SPATA22: variants seen among roughly 807,000 people sequenced by gnomAD.
SPATA22 encodes spermatogenesis associated 22.
A neutral mutation model predicts 47.8 loss-of-function variants in SPATA22; 29 were observed. The observed-to-expected ratio is 0.61, with a 90% CI of 0.45 to 0.83. The LOEUF (loss-of-function observed/expected upper bound fraction) is 0.83. Ranked by LOEUF, SPATA22 falls within the 40% of genes least tolerant of loss-of-function variation. The pLI is 0.00. For missense variants in SPATA22, 410 were observed against 421.7 expected (o/e 0.97, Z 0.24); for synonymous variants, 133 against 140.9 (o/e 0.94, Z 0.40).
chr17:3,473,535 G>A (rs2073478908), upstream of SPATA22, among the ~76,000 whole-genome samples: 1 of 152,134 alleles, frequency 6.6e-6, no homozygotes, highest in African/African-American at 2.4e-5. Flanking sequence ...TTTCGCTCTT[G>A]TTCCCCAGGT....
At chr17:3,460,424 C>T (rs932284310) in intron 5 of SPATA22, among the ~76,000 whole-genome samples, 1 of 151,852 alleles carries the variant, frequency 6.6e-6, no homozygotes, top group Non-Finnish European at 1.5e-5. Context: ...AAATAATATC[C>T]TTATCTTCCC....
intron 1 of SPATA22, among the ~76,000 whole-genome samples, chr17:3,496,793 G>A (rs923161148): frequency 1.2e-4 from 18 of 152,274 alleles, no homozygotes; most frequent in African/African-American, 3.1e-4. Flanking sequence ...CTGGCCAGGA[G>A]CGGTGGCTCA....
chr17:3,476,025 C>T (rs1352543001), upstream of SPATA22: 7 of 776,894 alleles, frequency 9.0e-6, no homozygotes, highest in African/African-American at 5.2e-5. Context: ...TTAAAATATA[C>T]TCCACTCAAG....
exon 1 of SPATA22, chr17:3,513,622 A>G: frequency 3.3e-6 from 1 of 306,824 alleles, no homozygotes; most frequent in Non-Finnish European, 6.0e-6. Flanking sequence ...TGCAATTGGT[A>G]AAACCAGAGG....
At chr17:3,492,712 G>T (rs2073845348) in intron 1 of SPATA22, among the ~76,000 whole-genome samples, 1 of 152,152 alleles carries the variant, frequency 6.6e-6, no homozygotes, top group African/African-American at 2.4e-5. Flanking sequence ...CTTTGAGGTG[G>T]AAAACTCAGG....
exon 1 of SPATA22, chr17:3,513,760 G>A: frequency 1.7e-6 from 1 of 593,800 alleles, no homozygotes; most frequent in South Asian, 2.5e-5. Flanking sequence ...CTGCCCCTCA[G>A]TTCAGACACC....
intron 6 of SPATA22, among the ~76,000 whole-genome samples, chr17:3,446,856 G>A (rs1299723684): frequency 6.6e-6 from 1 of 152,070 alleles, no homozygotes; most frequent in Non-Finnish European, 1.5e-5. Flanking sequence ...TTCATTCATT[G>A]ACTATTTTAA....
rs1463994559 is a variant in SPATA22 at position 3,486,932 on chromosome 17, G to A, written c.-73-17534C>T. On this transcript the variant is annotated intron_variant, in intron 1 of 8. Transcript: ENST00000541913. Reference sequence around the variant, plus strand: ...ACATGGCTATGGCAGAGTCAGGGGTGGCGTTGAATGAATAATAATTACACA... The same window carrying A: ...ACATGGCTATGGCAGAGTCAGGGGTAGCGTTGAATGAATAATAATTACACA... Among the ~76,000 whole-genome samples, 3 of 152,292 alleles carry A rather than the reference G, an allele frequency of 2.0e-5. No individual in the cohort carries two copies. The East Asian group carries it at 5.8e-4, about 29-fold the overall frequency.
chr17:3,513,399 A>C (rs2074140060), intron 1 of SPATA22: 1 of 153,388 alleles, frequency 6.5e-6, no homozygotes, highest in African/African-American at 2.4e-5. Flanking sequence ...CTCCCCCAGG[A>C]TATCCAGCTT....
chr17:3,471,843 C>T (rs1597417251), upstream of SPATA22: 1 of 985,466 alleles, frequency 1.0e-6, no homozygotes, highest in Non-Finnish European at 1.2e-6. Flanking sequence ...GCGCCGTGGA[C>T]CGCGCAGGCG....
intron 8 of SPATA22, among the ~76,000 whole-genome samples, chr17:3,442,056 G>A (rs1427946995): frequency 6.6e-6 from 1 of 151,872 alleles, no homozygotes; most frequent in Non-Finnish European, 1.5e-5. Flanking sequence ...ACAATGTTCT[G>A]TTTCTTAACC....
At chr17:3,449,318 CCT>C (rs1158703516) in intron 5 of SPATA22, among the ~76,000 whole-genome samples, 169 bp from the exon 6 acceptor site, 1 of 152,128 alleles carries the variant, frequency 6.6e-6, no homozygotes, top group Non-Finnish European at 1.5e-5. Flanking sequence ...TGTTGTACTA[CCT>C]CTCTTTCCAG....
At chr17:3,493,417 C>T (rs1481044084) in intron 1 of SPATA22, among the ~76,000 whole-genome samples, 3 of 151,816 alleles carry the variant, frequency 2.0e-5, no homozygotes, top group Non-Finnish European at 2.9e-5. Context: ...AAAAATTAGC[C>T]GGGCGTGGTG....
chr17:3,490,921 A>G lies in SPATA22; in HGVS notation c.-73-21523T>C, dbSNP rs16953074. ...TCTGTGTAACATTTCATTTAAGCAA[A>G]GGATTCGGCAAATCAAAAATTGTCA... is the stretch of plus-strand genomic sequence containing the variant. On this transcript the variant is annotated intron_variant, in intron 1 of 8. Transcript: ENST00000541913. This position sits in a 1 kb window ranked among gnomAD's most constrained non-coding sequence, Gnocchi z 4.6. Among the ~76,000 whole-genome samples the G allele has an allele frequency of 0.052, 7,905 of 152,192 alleles. 583 individuals are homozygous for G. The highest frequency in any genetic ancestry group is 0.17 in the African/African-American group (6,871 of 41,478).
intron 5 of SPATA22, among the ~76,000 whole-genome samples, chr17:3,455,560 C>A: frequency 7.1e-6 from 1 of 141,524 alleles, no homozygotes; most frequent in East Asian, 2.1e-4. Flanking sequence ...GGAATCCTTT[C>A]CCCATTGCTT....
At chr17:3,442,857 T>C (rs2072627407) in intron 8 of SPATA22, among the ~76,000 whole-genome samples, 1 of 151,908 alleles carries the variant, frequency 6.6e-6, no homozygotes, top group Admixed American at 6.6e-5. Context: ...TCTAGCACCC[T>C]GCACATACCT....
intron 1 of SPATA22, among the ~76,000 whole-genome samples, chr17:3,486,636 T>C (rs1423260146): frequency 1.3e-5 from 2 of 152,204 alleles, no homozygotes; most frequent in Non-Finnish European, 2.9e-5. Context: ...TAATTAATTA[T>C]CTGCAGACTA....
chr17:3,489,424 T>C, intron 1 of SPATA22: 2 of 1,209,072 alleles, frequency 1.7e-6, no homozygotes, highest in Non-Finnish European at 2.5e-6. Flanking sequence ...AGATTTGCCA[T>C]GCTAAAGATA....
intron 1 of SPATA22, 39 bp downstream of exon 1, chr17:3,471,643 A>T (rs921656082): frequency 2.0e-6 from 2 of 985,090 alleles, no homozygotes; most frequent in African/African-American, 3.5e-5. Context: ...GCCTCTCCTG[A>T]CCCGCCCACG....
Sources: gnomAD v4.1 joint callset for allele counts (sites outside exome capture counted in the v4.1 genomes callset) on GRCh38, gnomAD v4.1.1 for gene constraint, Gnocchi (gnomAD v3.1) non-coding constraint, MANE v1.5 for transcripts, NCBI Gene and HGNC (gene_info 2026-07-23, HGNC 2026-07-21) for gene names.